HYCC1: variants seen among roughly 807,000 people sequenced by gnomAD.
The protein encoded by HYCC1 is hyccin PI4KA lipid kinase complex subunit 1, also known as hyccin.
the HYCC1 span, among the ~76,000 whole-genome samples, chr7:22,904,416 G>A: frequency 6.7e-5 from 9 of 135,048 alleles, no homozygotes; most frequent in Admixed American, 7.0e-4. Flanking sequence ...GGGCAACAGA[G>A]CGAGACTCTG....
At chr7:23,001,797 G>C in the HYCC1 span, among the ~76,000 whole-genome samples, 2 of 152,088 alleles carry the variant, frequency 1.3e-5, no homozygotes, top group Non-Finnish European at 2.9e-5. Flanking sequence ...ACATGGGTGT[G>C]ACTGAAGTTG....
At chr7:22,988,220 C>A in the HYCC1 span, among the ~76,000 whole-genome samples, 2 of 152,042 alleles carry the variant, frequency 1.3e-5, no homozygotes, top group African/African-American at 4.8e-5. Context: ...CTTGAACTGG[C>A]TATAATACAG....
the HYCC1 span, among the ~76,000 whole-genome samples, chr7:22,949,984 T>A: frequency 1.3e-5 from 2 of 152,140 alleles, no homozygotes; most frequent in East Asian, 3.9e-4. Context: ...AACAGAAACA[T>A]AATTCTCAGG....
chr7:22,979,753 C>T, the HYCC1 span, among the ~76,000 whole-genome samples: 1 of 152,018 alleles, frequency 6.6e-6, no homozygotes, highest in African/African-American at 2.4e-5. Flanking sequence ...TGTATGAACA[C>T]ATAATTTTAA....
the HYCC1 span, among the ~76,000 whole-genome samples, chr7:22,907,190 C>T: frequency 1.3e-5 from 2 of 149,836 alleles, no homozygotes; most frequent in Non-Finnish European, 3.0e-5. Flanking sequence ...CGGGCCTTCA[C>T]AAAAGAATAA....
the HYCC1 span, among the ~76,000 whole-genome samples, chr7:22,972,614 A>G: frequency 6.6e-6 from 1 of 152,248 alleles, no homozygotes; most frequent in Non-Finnish European, 1.5e-5. Flanking sequence ...ATATACTAGC[A>G]AAACTTATTT....
chr7:22,983,974 G>A, the HYCC1 span: 1 of 1,605,434 alleles, frequency 6.2e-7, no homozygotes, highest in African/African-American at 1.3e-5. Flanking sequence ...TAACTTTATA[G>A]AGAGATGAAA....
the HYCC1 span, chr7:22,934,909 G>T: frequency 6.6e-6 from 1 of 152,168 alleles, no homozygotes; most frequent in African/African-American, 2.4e-5. Context: ...AGCAAAGCGG[G>T]AATTCAGCAT....
At chr7:22,929,240 C>A in the HYCC1 span, among the ~76,000 whole-genome samples, 7 of 152,176 alleles carry the variant, frequency 4.6e-5, no homozygotes, top group Non-Finnish European at 7.4e-5. Flanking sequence ...CAAAAACCCT[C>A]GAAGAAAACC....
At chr7:22,915,515 G>A in the HYCC1 span, among the ~76,000 whole-genome samples, 79 of 152,242 alleles carry the variant, frequency 5.2e-4, no homozygotes, top group South Asian at 0.013. Context: ...GCAGCCACTC[G>A]CAGAATCCCT....
the HYCC1 span, among the ~76,000 whole-genome samples, chr7:22,968,097 G>A: frequency 6.6e-6 from 1 of 152,060 alleles, no homozygotes; most frequent in Non-Finnish European, 1.5e-5. Context: ...ATACATATAA[G>A]TCACATTCCC....
chr7:22,923,154 G>A, the HYCC1 span, among the ~76,000 whole-genome samples: 7 of 152,180 alleles, frequency 4.6e-5, no homozygotes, highest in Admixed American at 4.6e-4. Context: ...TAGATCATAT[G>A]TCAGGTCACA....
chr7:22,942,762 C>A, the HYCC1 span: 1 of 152,030 alleles, frequency 6.6e-6, no homozygotes, highest in Non-Finnish European at 1.5e-5. Flanking sequence ...AAAAGCTACC[C>A]CAATTTTCAA....
chr7:22,945,636 C>G, the HYCC1 span: 162 of 1,613,608 alleles, frequency 1.0e-4, no homozygotes, highest in African/African-American at 2.7e-5. Flanking sequence ...CTCTGCTGAC[C>G]TGATTGATGC....
chr7:22,989,657 C>T, the HYCC1 span, among the ~76,000 whole-genome samples: 3 of 152,038 alleles, frequency 2.0e-5, no homozygotes, highest in Non-Finnish European at 4.4e-5. Context: ...CTCATCTGGC[C>T]ACAAGTTATT....
At chr7:22,924,428 C>G in the HYCC1 span, among the ~76,000 whole-genome samples, 1 of 152,160 alleles carries the variant, frequency 6.6e-6, no homozygotes, top group African/African-American at 2.4e-5. Context: ...AATTCCCTTT[C>G]CTAGTCAAAG....
At chr7:22,972,415 C>T in the HYCC1 span, among the ~76,000 whole-genome samples, 2 of 152,284 alleles carry the variant, frequency 1.3e-5, no homozygotes, top group South Asian at 4.1e-4. Flanking sequence ...AGTTAGATGA[C>T]TCACTAGCTA....
At chr7:22,949,810 A>C in the HYCC1 span, among the ~76,000 whole-genome samples, 1 of 152,054 alleles carries the variant, frequency 6.6e-6, no homozygotes, top group African/African-American at 2.4e-5. Flanking sequence ...CATGGAATTA[A>C]ATGGCAAGTA....
chr7:22,919,315 A>G, the HYCC1 span, among the ~76,000 whole-genome samples: 38,436 of 152,176 alleles, frequency 0.25, 5,029 homozygotes, highest in East Asian at 0.48. Context: ...GATCACCTGA[A>G]GTTGAGCGTT....
Sources: allele counts gnomAD v4.1 joint callset (sites outside exome capture counted in the v4.1 genomes callset), GRCh38; gene constraint gnomAD v4.1.1; transcripts MANE v1.5; gene names NCBI Gene and HGNC (gene_info 2026-07-23, HGNC 2026-07-21).